SAXO1: variants seen among roughly 807,000 people sequenced by gnomAD.
SAXO1 encodes the protein 4930500O09Rik.
In SAXO1, 21 loss-of-function variants were observed where a neutral mutation model predicts 17.5. The observed-to-expected ratio is 1.20, with a 90% CI of 0.85 to 1.72. The LOEUF is 1.72. Ranked by LOEUF, SAXO1 falls within the 40% of genes most tolerant of loss-of-function variation. The probability of loss-of-function intolerance (pLI) is 0.00; values close to 1 mark genes in which losing one functional copy is unlikely to be tolerated. For missense variants in SAXO1, 843 were observed against 596.0 expected (o/e 1.41, Z -4.32); for synonymous variants, 274 against 216.5 (o/e 1.27, Z -2.33).
intron 1 of SAXO1, among the ~76,000 whole-genome samples, chr9:19,014,122 G>C (rs1404352477): frequency 6.6e-6 from 1 of 152,072 alleles, no homozygotes; most frequent in Non-Finnish European, 1.5e-5. Context: ...TTGATTAAGG[G>C]TAGAATTTGT....
At chr9:18,990,411 G>A (rs1282164126) in intron 1 of SAXO1, among the ~76,000 whole-genome samples, 1 of 152,084 alleles carries the variant, frequency 6.6e-6, no homozygotes, top group Non-Finnish European at 1.5e-5. Context: ...CCCCTAATTA[G>A]AACTAAATTC....
At chr9:18,945,658 C>T (rs1831760750) in intron 2 of SAXO1, among the ~76,000 whole-genome samples, 1 of 152,322 alleles carries the variant, frequency 6.6e-6, no homozygotes, top group South Asian at 2.1e-4. Context: ...CCCATGCACT[C>T]CAGAATCCAA....
upstream of SAXO1, among the ~76,000 whole-genome samples, chr9:19,038,138 G>C (rs368659599): frequency 6.3e-4 from 96 of 152,308 alleles, no homozygotes; most frequent in African/African-American, 2.1e-3. Context: ...GAGAAACAGG[G>C]ACACTTTTAC....
At chr9:19,044,387 T>C (rs1333561838) in intron 1 of SAXO1, among the ~76,000 whole-genome samples, 1 of 152,196 alleles carries the variant, frequency 6.6e-6, no homozygotes, top group African/African-American at 2.4e-5. Flanking sequence ...GATTAAGATC[T>C]CTCCTATTTC....
chr9:18,995,750 A>G lies in SAXO1; in HGVS notation c.38+37121T>C, dbSNP rs149367202. On this transcript the variant is annotated intron_variant, in intron 1 of 3. Coordinates refer to ENST00000380534, the MANE Select transcript of SAXO1 (RefSeq NM_153707.4). ...AAAATAAAGAAAATAAAAACACAAT[A>G]TAGAGAACTTTAATAATTTTTTTCC... is the stretch of plus-strand genomic sequence containing the variant. Among the ~76,000 whole-genome samples the G allele has an allele frequency of 4.1e-3, 618 of 152,346 alleles. 3 individuals are homozygous for G. The highest frequency in any genetic ancestry group is 6.7e-3 in the Non-Finnish European group (457 of 68,038).
At chr9:18,957,759 T>G (rs1383001873) in intron 1 of SAXO1, among the ~76,000 whole-genome samples, 1 of 152,176 alleles carries the variant, frequency 6.6e-6, no homozygotes, top group Non-Finnish European at 1.5e-5. Context: ...AGGATCTATG[T>G]CTCTGGAATG....
rs375765604 is a variant in SAXO1 at position 18,987,892 on chromosome 9, G to C, written c.39-36955C>G. Among the ~76,000 whole-genome samples, 7 of 124,944 alleles carry C rather than the reference G, an allele frequency of 5.6e-5. No individual in the cohort carries two copies. In the East Asian group the frequency reaches 1.6e-3, roughly 29 times the overall value. 82.0% of individuals were successfully genotyped at this position (124,944 alleles called of 152,430 possible). On this transcript the variant is annotated intron_variant, in intron 1 of 3. Transcript: ENST00000380534. ...AACCTGGGCAACAGAGTGAGACCCT[G>C]TCTCAAAAAAAAAAAAAGAAAAAAA... is the stretch of plus-strand genomic sequence containing the variant.
At chr9:18,950,971 C>A in intron 1 of SAXO1, 34 bp from the exon 2 acceptor site, 2 of 1,580,536 alleles carry the variant, frequency 1.3e-6, no homozygotes, top group East Asian at 4.5e-5. Flanking sequence ...TGATTACCTT[C>A]TTGGGAGAAA....
intron 2 of SAXO1, among the ~76,000 whole-genome samples, chr9:18,947,384 A>G (rs1014420374): frequency 6.6e-6 from 1 of 152,038 alleles, no homozygotes; most frequent in Non-Finnish European, 1.5e-5. Flanking sequence ...AGTCTTGCAA[A>G]TAAGTGATAG....
chr9:18,930,857 A>T (rs4977468), intron 3 of SAXO1, among the ~76,000 whole-genome samples: 1 of 152,192 alleles, frequency 6.6e-6, no homozygotes, highest in Admixed American at 6.5e-5. Flanking sequence ...TTGCCCCATC[A>T]GGCCCATAAA....
intron 1 of SAXO1, among the ~76,000 whole-genome samples, chr9:18,955,920 A>G (rs572101727): frequency 5.0e-4 from 71 of 142,712 alleles, no homozygotes; most frequent in Admixed American, 1.7e-3. Flanking sequence ...ACAGCCTTGC[A>G]TGAGCCTCTA....
At chr9:18,951,823 T>C (rs1212483889) in intron 1 of SAXO1, among the ~76,000 whole-genome samples, 1 of 152,246 alleles carries the variant, frequency 6.6e-6, no homozygotes, top group African/African-American at 2.4e-5. Flanking sequence ...CCTTGTCCAC[T>C]GTTCATCGTA....
chr9:18,994,218 C>T (rs960529569), intron 1 of SAXO1, among the ~76,000 whole-genome samples: 2 of 152,068 alleles, frequency 1.3e-5, no homozygotes, highest in African/African-American at 4.8e-5. Context: ...GTAGCTATGC[C>T]TATGTGGGTG....
intron 1 of SAXO1, among the ~76,000 whole-genome samples, chr9:19,022,619 A>G (rs1404137406): frequency 6.6e-6 from 1 of 152,254 alleles, no homozygotes; most frequent in Non-Finnish European, 1.5e-5. Context: ...ATAGTTACTC[A>G]TAATGGGTAG....
chr9:18,933,681 T>C (rs943952407), intron 3 of SAXO1, among the ~76,000 whole-genome samples: 2 of 152,212 alleles, frequency 1.3e-5, no homozygotes, highest in Non-Finnish European at 2.9e-5. Flanking sequence ...ACTTTTTTCT[T>C]TCAAAACTGT....
At chr9:18,950,277 AT>A (rs1341200214) in intron 2 of SAXO1, among the ~76,000 whole-genome samples, 1 of 96,240 alleles carries the variant, frequency 1.0e-5, no homozygotes, top group African/African-American at 4.8e-5. Flanking sequence ...GAGAACCCCA[AT>A]TCAAAATTTA....
Position 18,989,781 on chromosome 9 carries a change from T to A in SAXO1, c.39-38844A>T, listed in dbSNP as rs541042623. ...CTCAGCATGTAGGTAGCAGGCAGCT[T>A]TTCATGGTGTACAACTTGAGGGACA... is the stretch of plus-strand genomic sequence containing the variant. On this transcript the variant is annotated intron_variant, in intron 1 of 3. Coordinates refer to ENST00000380534, the MANE Select transcript of SAXO1 (RefSeq NM_153707.4). Among the ~76,000 whole-genome samples, 460 of 152,280 alleles carry A rather than the reference T, an allele frequency of 3.0e-3. 8 individuals carry two copies. In the South Asian group the frequency reaches 0.044, roughly 15 times the overall value.
At chr9:19,031,037 C>T (rs1473918628) in intron 1 of SAXO1, among the ~76,000 whole-genome samples, 1 of 152,206 alleles carries the variant, frequency 6.6e-6, no homozygotes, top group Non-Finnish European at 1.5e-5. Flanking sequence ...GAAAGTGACT[C>T]CTTTGCAGGG....
At chr9:18,987,682 T>G (rs1833651260) in intron 1 of SAXO1, among the ~76,000 whole-genome samples, 1 of 152,004 alleles carries the variant, frequency 6.6e-6, no homozygotes, top group African/African-American at 2.4e-5. Context: ...GAGGATTGCT[T>G]AAGCTCAGGA....
Sources: allele counts gnomAD v4.1 joint callset (sites outside exome capture counted in the v4.1 genomes callset), GRCh38; gene constraint gnomAD v4.1.1; transcripts MANE v1.5; gene names NCBI Gene and HGNC (gene_info 2026-07-23, HGNC 2026-07-21).